The following PSAT1 variants were observed in gnomAD, a reference collection of about 807,000 sequenced individuals.
PSAT1 encodes phosphoserine aminotransferase 1.
In PSAT1, 41 loss-of-function variants were observed where a neutral mutation model predicts 40.3. The ratio of observed to expected loss-of-function variants is 1.02; its 90% CI spans 0.79 to 1.32. PSAT1 has a LOEUF of 1.32. Among genes scored for constraint, PSAT1 ranks in the 40% most tolerant of loss-of-function variants. The probability of loss-of-function intolerance (pLI) is 0.00; values close to 1 mark genes in which losing one functional copy is unlikely to be tolerated. For missense variants in PSAT1, 406 were observed against 455.8 expected, an observed-to-expected ratio of 0.89 and a Z score of 0.99; for synonymous variants, 147 against 170.5, an observed-to-expected ratio of 0.86 and a Z score of 1.07.
At chr9:78,306,243 G>C in intron 4 of PSAT1, 71 bp from the exon 5 acceptor site, 1 of 1,543,862 alleles carries the variant, frequency 6.5e-7, no homozygotes, top group Non-Finnish European at 8.9e-7. Context: ...CAGTCTCCTG[G>C]TTGACTCCCA....
chr9:78,298,015 ACT>A (rs1709640961), intron 1 of PSAT1, among the ~76,000 whole-genome samples: 1 of 151,082 alleles, frequency 6.6e-6, no homozygotes, highest in East Asian at 2.0e-4. Flanking sequence ...GAGTATTCTA[ACT>A]CTGGTAGACT....
At chr9:78,307,482 G>A (rs1297798784) in intron 5 of PSAT1, among the ~76,000 whole-genome samples, 1 of 152,204 alleles carries the variant, frequency 6.6e-6, no homozygotes, top group Non-Finnish European at 1.5e-5. Flanking sequence ...ATTATCACCA[G>A]GCACTGGCAA....
chr9:78,317,640 T>G, intron 6 of PSAT1, 36 bp from the exon 7 acceptor site: 2 of 1,613,260 alleles, frequency 1.2e-6, no homozygotes, highest in Non-Finnish European at 1.7e-6. Context: ...TTTGCAAAGA[T>G]GAGCTAAACG....
chr9:78,328,008 T>C (rs1335114963), intron 7 of PSAT1, 43 bp from the exon 8 acceptor site: 1 of 1,594,186 alleles, frequency 6.3e-7, no homozygotes, highest in Non-Finnish European at 8.6e-7. Context: ...TGACAACCCA[T>C]ACATTTCAGA....
chr9:78,297,823 C>A (rs1425192252), intron 1 of PSAT1, among the ~76,000 whole-genome samples: 1 of 152,104 alleles, frequency 6.6e-6, no homozygotes, highest in Non-Finnish European at 1.5e-5. Flanking sequence ...TGCGTGCCCC[C>A]CTACGCCTTA....
intron 3 of PSAT1, among the ~76,000 whole-genome samples, chr9:78,303,127 C>G (rs1000713733): frequency 3.3e-5 from 5 of 152,138 alleles, no homozygotes. Flanking sequence ...CAGGGATAAT[C>G]ACTAATATGT....
chr9:78,322,666 A>G (rs1308612859), intron 7 of PSAT1, among the ~76,000 whole-genome samples: 1 of 152,228 alleles, frequency 6.6e-6, no homozygotes, highest in Non-Finnish European at 1.5e-5. Context: ...AATTTAGGCA[A>G]GAACCCACAG....
At chr9:78,317,307 C>T (rs973924238) in intron 6 of PSAT1, among the ~76,000 whole-genome samples, 1 of 152,110 alleles carries the variant, frequency 6.6e-6, no homozygotes, top group Non-Finnish European at 1.5e-5. Flanking sequence ...GGCTAGAGTG[C>T]ATTGGTGTGA....
intron 7 of PSAT1, among the ~76,000 whole-genome samples, chr9:78,322,151 T>A (rs540667772): frequency 1.2e-3 from 184 of 149,774 alleles, no homozygotes; most frequent in African/African-American, 4.0e-3. Flanking sequence ...TAATATATAT[T>A]AATTTTATTA....
Position 78,308,456 on chromosome 9 carries a change from GC to G in PSAT1, c.614del (p.Ala205ValfsTer6), listed in dbSNP as rs1179038823. ...TGGTGCCCAGAAGAATGTTGGCTCTGCTGGGGTCACCGTGGTGATTGTCCGT... is the reference window on the plus strand; with the variant it reads ...TGGTGCCCAGAAGAATGTTGGCTCTGTGGGGTCACCGTGGTGATTGTCCGT... ...FAGAQKNVGS[A>X]GVTVVIVRDD... is the part of the protein sequence containing the mutation. On this transcript the variant is annotated frameshift_variant, in exon 6 of 9. Transcript: ENST00000376588. LOFTEE classifies it high-confidence loss of function. 1.2e-6 allele frequency: 2 copies of G among 1,613,740 alleles called. No individual in the cohort carries two copies. Among genetic ancestry groups the G allele is most frequent in the South Asian group, 2.2e-5 (2 of 91,050 alleles).
At chr9:78,319,412 C>T (rs1317635162) in intron 7 of PSAT1, among the ~76,000 whole-genome samples, 1 of 152,162 alleles carries the variant, frequency 6.6e-6, no homozygotes, top group East Asian at 1.9e-4. Context: ...GGGCTCCTTT[C>T]CCAGGCACCA....
chr9:78,314,073 C>CTT (rs1270444961), intron 6 of PSAT1, among the ~76,000 whole-genome samples: 2 of 152,204 alleles, frequency 1.3e-5, no homozygotes, highest in African/African-American at 4.8e-5. Flanking sequence ...GAAATGAAGG[C>CTT]ATAAGTCTTA....
rs148598272 is a variant in PSAT1, at chr9:78,306,360, C to G, written c.444C>G (p.Tyr148Ter). Residue 148 changes from tyrosine (Y) to a stop codon, truncating the protein, a stop_gained, in exon 5 of 9, where the codon TAC (tyrosine) becomes TAG (stop). Transcript: ENST00000376588. LOFTEE classifies it high-confidence loss of function. ...STWNLNPDAS[Y>*]VYYCANETVH... is the part of the protein sequence containing the mutation. ...GGAACCTCAACCCAGATGCCTCCTA[C>G]GTGTATTATTGCGCAAATGAGACGG... The G allele has an allele frequency of 6.2e-7, 1 of 1,613,086 alleles. No homozygotes were observed. Among genetic ancestry groups the G allele is most frequent in the Non-Finnish European group, 8.5e-7 (1 of 1,179,988 alleles).
At chr9:78,303,944 CATT>C (rs1360741413) in intron 3 of PSAT1, among the ~76,000 whole-genome samples, 1 of 152,130 alleles carries the variant, frequency 6.6e-6, no homozygotes, top group Non-Finnish European at 1.5e-5. Context: ...CCATTCTCAT[CATT>C]ATCTTACTTT....
At chr9:78,315,435 A>G (rs555038873) in intron 6 of PSAT1, among the ~76,000 whole-genome samples, 5 of 152,352 alleles carry the variant, frequency 3.3e-5, no homozygotes, top group Admixed American at 2.6e-4. Flanking sequence ...GACTTCAGGA[A>G]GTACTCATTC....
At chr9:78,297,651 C>G (rs552621890) in intron 1 of PSAT1, among the ~76,000 whole-genome samples, 324 of 152,336 alleles carry the variant, frequency 2.1e-3, no homozygotes, top group African/African-American at 7.6e-3. Context: ...TGATCTCTGC[C>G]TTCGCCTCGC....
intron 4 of PSAT1, 143 bp from the exon 5 acceptor site, chr9:78,306,171 G>T: frequency 1.2e-6 from 1 of 859,876 alleles, no homozygotes; most frequent in Non-Finnish European, 2.0e-6. Flanking sequence ...AGGCTGGGAG[G>T]TTGCTTTCAC....
intron 7 of PSAT1, among the ~76,000 whole-genome samples, chr9:78,319,093 A>G (rs1022322558): frequency 2.0e-5 from 3 of 152,196 alleles, no homozygotes; most frequent in African/African-American, 7.2e-5. Flanking sequence ...AGTCTATAGT[A>G]ACAAAAATAT....
At chr9:78,327,146 C>G (rs752225273) in intron 7 of PSAT1, among the ~76,000 whole-genome samples, 82 of 149,006 alleles carry the variant, frequency 5.5e-4, no homozygotes, top group Admixed American at 1.8e-3. Flanking sequence ...TTTTTTCAGT[C>G]GAGATGGGGT....
Sources: allele counts gnomAD v4.1 joint callset (sites outside exome capture counted in the v4.1 genomes callset), GRCh38; gene constraint gnomAD v4.1.1; transcripts MANE v1.5; gene names NCBI Gene and HGNC (gene_info 2026-07-23, HGNC 2026-07-21).